The following SPIDR variants were observed in gnomAD, a reference collection of about 807,000 sequenced individuals.
The protein encoded by SPIDR is scaffold protein involved in DNA repair, also known as DNA repair-scaffolding protein.
In SPIDR, 93 loss-of-function variants were observed where a neutral mutation model predicts 104.6. That is an observed-to-expected ratio of 0.89 (90% CI 0.75 to 1.06). The LOEUF (loss-of-function observed/expected upper bound fraction) is 1.06. Among genes scored for constraint, SPIDR ranks in the 50% least tolerant of loss-of-function variants. The pLI, the probability that SPIDR is intolerant of heterozygous loss-of-function variation, is 0.00. For missense variants in SPIDR, 1,154 were observed against 1,111.2 expected (o/e 1.04, Z -0.55); for synonymous variants, 431 against 416.9 (o/e 1.03, Z -0.41).
intron 2 of SPIDR, among the ~76,000 whole-genome samples, chr8:47,281,385 G>T (rs2037748879): frequency 6.6e-6 from 1 of 152,196 alleles, no homozygotes; most frequent in Admixed American, 6.5e-5. Flanking sequence ...TGAGTAGCGT[G>T]TGATGCTGGT....
intron 4 of SPIDR, among the ~76,000 whole-genome samples, chr8:47,292,889 GTGAA>G: frequency 6.6e-6 from 1 of 152,058 alleles, no homozygotes; most frequent in Non-Finnish European, 1.5e-5. Context: ...GAATGAAGGA[GTGAA>G]TGAATGAATG....
At chr8:47,425,265 ACTCAGCAGTTG>A (rs1194454056) in intron 7 of SPIDR, among the ~76,000 whole-genome samples, 2 of 152,078 alleles carry the variant, frequency 1.3e-5, no homozygotes, top group Non-Finnish European at 2.9e-5. Flanking sequence ...ACATTCATTT[ACTCAGCAGTTG>A]CTCAGCAGGG....
chr8:47,549,659 A>G (rs1009549754), intron 8 of SPIDR, among the ~76,000 whole-genome samples: 1 of 152,020 alleles, frequency 6.6e-6, no homozygotes, highest in Non-Finnish European at 1.5e-5. Context: ...TAGATTCTGG[A>G]TATTAGCCCT....
intron 5 of SPIDR, among the ~76,000 whole-genome samples, chr8:47,375,430 C>T (rs575669986): frequency 4.0e-5 from 6 of 151,546 alleles, no homozygotes; most frequent in East Asian, 2.0e-4. Flanking sequence ...TTAGTAGAGA[C>T]GGGGTTTCAC....
At chr8:47,488,482 A>C (rs1190888358) in intron 8 of SPIDR, among the ~76,000 whole-genome samples, 2 of 152,192 alleles carry the variant, frequency 1.3e-5, no homozygotes, top group African/African-American at 4.8e-5. Context: ...AAAAGAGGGA[A>C]TCCTCCTTAA....
rs575111800 is a variant in SPIDR, at chr8:47,393,985, A to G, written c.526-2391A>G. On this transcript the variant is annotated intron_variant, in intron 5 of 19. Transcript: ENST00000297423. Reference sequence around the variant, plus strand: ...AGTGGTGTGATCTTAGCTCACTGCAACCTCCACCTCCCAGGGTCTAAAGCC... The same window carrying G: ...AGTGGTGTGATCTTAGCTCACTGCAGCCTCCACCTCCCAGGGTCTAAAGCC... Among the ~76,000 whole-genome samples, 18 of 151,342 alleles carry G rather than the reference A, an allele frequency of 1.2e-4. No individual in the cohort carries two copies. In the East Asian group the frequency reaches 2.9e-3, roughly 25 times the overall value.
chr8:47,366,492 G>A (rs1251351676), intron 5 of SPIDR, among the ~76,000 whole-genome samples: 1 of 152,190 alleles, frequency 6.6e-6, no homozygotes, highest in African/African-American at 2.4e-5. Flanking sequence ...CAGGAGACCA[G>A]TGTTTCTAAT....
intron 3 of SPIDR, among the ~76,000 whole-genome samples, chr8:47,289,035 G>T (rs2039407048): frequency 6.6e-6 from 1 of 151,972 alleles, no homozygotes. Context: ...TTAGAGATGG[G>T]ATCTTACCCT....
At chr8:47,280,132 A>G (rs2037421372) in intron 2 of SPIDR, 115 bp downstream of exon 2, 2 of 1,034,188 alleles carry the variant, frequency 1.9e-6, no homozygotes, top group Non-Finnish European at 2.8e-6. Flanking sequence ...AGAACACTGT[A>G]ACTGGTACAC....
chr8:47,408,583 G>C (rs919882496), intron 7 of SPIDR, among the ~76,000 whole-genome samples: 1 of 152,154 alleles, frequency 6.6e-6, no homozygotes, highest in African/African-American at 2.4e-5. Context: ...CTCTGCTTCT[G>C]TAGCCAGAGC....
At chr8:47,375,671 G>T (rs1215076885) in intron 5 of SPIDR, among the ~76,000 whole-genome samples, 4 of 152,104 alleles carry the variant, frequency 2.6e-5, no homozygotes, top group East Asian at 1.9e-4. Context: ...TGGCTGTGTT[G>T]CATAGGCTGG....
At chr8:47,402,698 G>A (rs1397113716) in intron 6 of SPIDR, among the ~76,000 whole-genome samples, 1 of 142,848 alleles carries the variant, frequency 7.0e-6, no homozygotes, top group Non-Finnish European at 1.5e-5. Flanking sequence ...TTCTGAAAAT[G>A]AGGCAATAAT....
At chr8:47,515,624 G>T (rs2083004172) in intron 8 of SPIDR, among the ~76,000 whole-genome samples, 1 of 152,134 alleles carries the variant, frequency 6.6e-6, no homozygotes, top group Non-Finnish European at 1.5e-5. Context: ...ATTGTATTTT[G>T]TCTCTCATTC....
chr8:47,282,980 C>G (rs1554560002), intron 2 of SPIDR, among the ~76,000 whole-genome samples: 5 of 152,066 alleles, frequency 3.3e-5, no homozygotes, highest in Admixed American at 2.6e-4. Flanking sequence ...CTCAGCCTCC[C>G]GAGTAGCTGG....
rs1230581085 is a variant in SPIDR, at chr8:47,395,949, C to T, written c.526-427C>T. Among the ~76,000 whole-genome samples, 2 of 152,108 alleles carry T rather than the reference C, an allele frequency of 1.3e-5. 1 individual carries two copies. Among genetic ancestry groups the T allele is most frequent in the Non-Finnish European group, 2.9e-5 (2 of 68,018 alleles). ...TTTTGGCAAATTAAATGATTTATAC[C>T]TGAAGAGACAATTTAGCTTCATGTT... On this transcript the variant is annotated intron_variant, in intron 5 of 19. Coordinates refer to ENST00000297423, the MANE Select transcript of SPIDR (RefSeq NM_001080394.4).
chr8:47,722,304 G>A (rs551732194), intron 16 of SPIDR, among the ~76,000 whole-genome samples: 1 of 152,252 alleles, frequency 6.6e-6, no homozygotes, highest in East Asian at 1.9e-4. Flanking sequence ...AGAATACTAG[G>A]TCATCTGTGA....
intron 8 of SPIDR, among the ~76,000 whole-genome samples, chr8:47,501,855 G>T (rs1486809318): frequency 6.6e-5 from 10 of 152,064 alleles, no homozygotes; most frequent in Non-Finnish European, 1.3e-4. Flanking sequence ...TAGCATGAAG[G>T]GTTGTTGAAT....
At chr8:47,379,842 C>T (rs755612268) in intron 5 of SPIDR, among the ~76,000 whole-genome samples, 3 of 152,094 alleles carry the variant, frequency 2.0e-5, no homozygotes, top group East Asian at 1.9e-4. Context: ...TGAGGAGCAC[C>T]CCCTGGGCCC....
At chr8:47,647,640 GA>G (rs1204076798) in intron 10 of SPIDR, among the ~76,000 whole-genome samples, 1 of 148,134 alleles carries the variant, frequency 6.8e-6, no homozygotes, top group African/African-American at 2.5e-5. Flanking sequence ...GAGAGAGAGA[GA>G]GAGAGAGAGA....
Sources: gnomAD v4.1 joint callset for allele counts (sites outside exome capture counted in the v4.1 genomes callset) on GRCh38, gnomAD v4.1.1 for gene constraint, MANE v1.5 for transcripts, NCBI Gene and HGNC (gene_info 2026-07-23, HGNC 2026-07-21) for gene names.